The following BCOR variants were observed in gnomAD, a reference collection of about 807,000 sequenced individuals.
BCOR encodes BCL6 corepressor.
BCOR carries 10 observed loss-of-function variants against 86.7 expected under a neutral mutation model. The ratio of observed to expected loss-of-function variants is 0.12; its 90% CI spans 0.07 to 0.20. The LOEUF is 0.20. BCOR is among the 10% of genes least tolerant of loss of function. BCOR has a pLI of 1.00. For synonymous variants in BCOR, 611 were observed against 609.0 expected (o/e 1.00, Z -0.05); for missense variants, 1,259 against 1,452.1 (o/e 0.87, Z 2.16).
At chrX:40,167,897 AG>A (rs1176821164) in intron 1 of BCOR, among the ~76,000 whole-genome samples, 2 of 113,149 alleles carry the variant, frequency 1.8e-5, no homozygotes, top group Non-Finnish European at 3.7e-5. Flanking sequence ...TGTTGGCTTC[AG>A]GAGGCTCCAC....
intron 1 of BCOR, among the ~76,000 whole-genome samples, chrX:40,106,620 A>G (rs1185245110): frequency 9.0e-6 from 1 of 111,165 alleles, no homozygotes; most frequent in Non-Finnish European, 1.9e-5. Flanking sequence ...TGCAGTTTTA[A>G]TGCTCTGCTT....
At chrX:40,052,980 G>C (rs67723168) in intron 14 of BCOR, among the ~76,000 whole-genome samples, 5 of 110,746 alleles carry the variant, frequency 4.5e-5, no homozygotes, top group African/African-American at 1.3e-4. Context: ...CCCTTTCTGG[G>C]GGTAAAGTCC....
intron 1 of BCOR, among the ~76,000 whole-genome samples, chrX:40,129,896 C>T (rs1408733803): frequency 9.0e-6 from 1 of 111,206 alleles, no homozygotes; most frequent in African/African-American, 3.3e-5. Context: ...CAAAAATTAG[C>T]TGGGCGTGGT....
chrX:40,160,250 G>GGACT (rs1393591674), intron 1 of BCOR, among the ~76,000 whole-genome samples: 1 of 109,713 alleles, frequency 9.1e-6, no homozygotes, highest in Non-Finnish European at 1.9e-5. Context: ...CGAGTAGCTG[G>GGACT]GACTACAGGC....
intron 1 of BCOR, among the ~76,000 whole-genome samples, chrX:40,112,305 T>C (rs772718813): frequency 1.8e-3 from 202 of 111,556 alleles, no homozygotes; most frequent in Non-Finnish European, 3.3e-3. Flanking sequence ...ATTTTTTTTT[T>C]CTAGTTCCAA....
intron 1 of BCOR, among the ~76,000 whole-genome samples, chrX:40,107,401 A>G (rs2147814937): frequency 8.9e-6 from 1 of 111,919 alleles, no homozygotes; most frequent in South Asian, 3.7e-4. Context: ...GCGAGAGAGC[A>G]GGAACCCCCG....
chrX:40,152,444 C>T (rs1353447520), intron 1 of BCOR, among the ~76,000 whole-genome samples: 4 of 112,372 alleles, frequency 3.6e-5, no homozygotes, highest in Non-Finnish European at 7.5e-5. Context: ...GAGGGCTCGC[C>T]GCTGCGCATC....
At chrX:40,139,493 A>G (rs1156415460) in intron 1 of BCOR, among the ~76,000 whole-genome samples, 1 of 6,728 alleles carries the variant, frequency 1.5e-4, no homozygotes, top group African/African-American at 7.0e-4. Flanking sequence ...ATATATATAT[A>G]TATATTTTTT....
chrX:40,174,062 C>A lies in BCOR; in HGVS notation c.-41+2945G>T, dbSNP rs1353855143. 2.7e-5 allele frequency among the ~76,000 whole-genome samples: 3 copies of A among 113,145 alleles called. No individual in the cohort carries two copies. The East Asian group carries it at 8.3e-4, about 31-fold the overall frequency. Reference sequence around the variant, plus strand: ...GGCAAATAAGAGCCTAGGGAGGCCTCGGCCTCCCCTGCTTGGCCTCTCCAG... The same window carrying A: ...GGCAAATAAGAGCCTAGGGAGGCCTAGGCCTCCCCTGCTTGGCCTCTCCAG... On this transcript the variant is annotated intron_variant, in intron 1 of 14. Transcript: ENST00000342274.
intron 1 of BCOR, among the ~76,000 whole-genome samples, chrX:40,130,658 CAG>C (rs1937593122): frequency 8.9e-6 from 1 of 111,999 alleles, no homozygotes; most frequent in Non-Finnish European, 1.9e-5. Flanking sequence ...AGAAGAGGAC[CAG>C]AGAGAGCAGG....
chrX:40,124,063 TG>T (rs767767098), intron 1 of BCOR, among the ~76,000 whole-genome samples: 1 of 111,023 alleles, frequency 9.0e-6, no homozygotes, highest in Non-Finnish European at 1.9e-5. Flanking sequence ...GAATCCCCAC[TG>T]GCCTCTTTGC....
At chrX:40,151,051 C>T (rs1310518342) in intron 1 of BCOR, among the ~76,000 whole-genome samples, 1 of 111,566 alleles carries the variant, frequency 9.0e-6, no homozygotes, top group Non-Finnish European at 1.9e-5. Context: ...TGGGAAGGAC[C>T]AAGGCCCAGG....
intron 1 of BCOR, among the ~76,000 whole-genome samples, chrX:40,151,727 T>TGGCGGC (rs1158381490): frequency 8.9e-6 from 1 of 112,088 alleles, no homozygotes; most frequent in South Asian, 3.7e-4. Flanking sequence ...GCCGCAGCGG[T>TGGCGGC]GGCGGCGGCG....
In BCOR at chrX:40,074,816, C is replaced by T. The variant is rs141898129; in HGVS notation, c.530G>A (p.Ser177Asn). Residue 177 changes from serine (S) to asparagine (N), a missense_variant, in exon 4 of 15, where the codon AGC becomes AAC. By Grantham distance (46) the Ser-to-Asn change is conservative. Transcript: ENST00000378444. ...ACTAGCACCATTGATGTTGAGAGGG[C>T]TCTGTTTGTCGCTGGCAGGCCTGTC... ...GLDRPASDKQSPLNINGASYL... is the reference protein window; with the variant it reads ...GLDRPASDKQNPLNINGASYL... The T allele has an allele frequency of 1.7e-6, 2 of 1,211,879 alleles. No individual in the cohort carries two copies. Among genetic ancestry groups the T allele is most frequent in the South Asian group, 3.5e-5 (2 of 56,984 alleles).
At chrX:40,068,516 T>C (rs963008225) in intron 6 of BCOR, among the ~76,000 whole-genome samples, 10 of 112,694 alleles carry the variant, frequency 8.9e-5, no homozygotes, top group African/African-American at 2.6e-4. Context: ...GCTCAGGCAT[T>C]GCCACTGAGT....
intron 1 of BCOR, among the ~76,000 whole-genome samples, chrX:40,146,257 C>CT (rs1280307736): frequency 8.9e-6 from 1 of 111,823 alleles, no homozygotes; most frequent in African/African-American, 3.2e-5. Context: ...GGAGCCGGGG[C>CT]TGGGGAGCCC....
intron 1 of BCOR, among the ~76,000 whole-genome samples, chrX:40,118,529 A>C (rs1937433207): frequency 9.0e-6 from 1 of 110,832 alleles, no homozygotes; most frequent in Admixed American, 9.6e-5. Flanking sequence ...GGCCTCCCAA[A>C]GTGCTGGAAT....
At chrX:40,150,994 C>T (rs1020517353) in intron 1 of BCOR, among the ~76,000 whole-genome samples, 9 of 111,989 alleles carry the variant, frequency 8.0e-5, no homozygotes, top group Non-Finnish European at 1.7e-4. Flanking sequence ...GTGGTTAAGG[C>T]ATGAGACAGC....
intron 1 of BCOR, among the ~76,000 whole-genome samples, chrX:40,165,312 C>G (rs1412010763): frequency 8.9e-6 from 1 of 111,793 alleles, no homozygotes; most frequent in South Asian, 3.7e-4. Flanking sequence ...AGGATGAACC[C>G]GCCAAAAATA....
Sources: allele counts gnomAD v4.1 joint callset (sites outside exome capture counted in the v4.1 genomes callset), GRCh38; gene constraint gnomAD v4.1.1; transcripts MANE v1.5; gene names NCBI Gene and HGNC (gene_info 2026-07-23, HGNC 2026-07-21).